The following IL12RB2 variants were observed in gnomAD, a reference collection of about 807,000 sequenced individuals.
IL12RB2 encodes the protein interleukin-12 receptor subunit beta-2.
In IL12RB2, 82 loss-of-function variants were observed where a neutral mutation model predicts 89.4. The ratio of observed to expected loss-of-function variants is 0.92; its 90% CI spans 0.77 to 1.10. The LOEUF is 1.10. IL12RB2 is among the 50% of genes least tolerant of loss of function. The probability of loss-of-function intolerance (pLI) is 0.00; values close to 1 mark genes in which losing one functional copy is unlikely to be tolerated. For missense variants in IL12RB2, 963 were observed against 1,031.9 expected (o/e 0.93, Z 0.92); for synonymous variants, 368 against 370.1 (o/e 0.99, Z 0.07).
chr1:67,317,730 A>G (rs1475915079), intron 2 of IL12RB2, among the ~76,000 whole-genome samples: 1 of 152,184 alleles, frequency 6.6e-6, no homozygotes, highest in Non-Finnish European at 1.5e-5. Flanking sequence ...TCTAAAGATC[A>G]TATTCCTTTC....
chr1:67,312,659 T>A (rs1344230447), intron 1 of IL12RB2, among the ~76,000 whole-genome samples: 19 of 40,056 alleles, frequency 4.7e-4, no homozygotes, highest in South Asian at 1.0e-3. Context: ...GAGAAAAGAA[T>A]AAAGGAAGTT....
rs1304002709 is a variant in IL12RB2 at position 67,326,809 on chromosome 1, A to G, written c.439A>G (p.Arg147Gly). 2 of 1,613,834 alleles carry G rather than the reference A, an allele frequency of 1.2e-6. No homozygotes were observed. Among genetic ancestry groups the G allele is most frequent in the East Asian group, 4.5e-5 (2 of 44,896 alleles). Residue 147 changes from arginine (R) to glycine (G), a missense_variant, in exon 5 of 17, where the codon AGA (arginine) becomes GGA (glycine). Arg to Gly is a moderately radical substitution (Grantham distance 125). Transcript: ENST00000674203. ...GGGGACTGTGGCCTGCACCTGGGAA[A>G]GAGGACGAGACACCCACTTATACAC... Reference protein sequence around the residue: ...EQGTVACTWERGRDTHLYTEY... With the variant: ...EQGTVACTWEGGRDTHLYTEY...
At chr1:67,338,858 G>A (rs891840692) in intron 9 of IL12RB2, 155 bp downstream of exon 9, 11 of 668,816 alleles carry the variant, frequency 1.6e-5, no homozygotes, top group Non-Finnish European at 3.1e-5. Flanking sequence ...TGCCTTTGGT[G>A]GATAGGGGTG....
At chr1:67,310,869 C>T (rs146242232) in intron 1 of IL12RB2, among the ~76,000 whole-genome samples, 11 of 152,100 alleles carry the variant, frequency 7.2e-5, no homozygotes, top group East Asian at 1.9e-4. Context: ...GGATTACAGG[C>T]GCACACCAGT....
intron 10 of IL12RB2, among the ~76,000 whole-genome samples, chr1:67,362,114 T>C (rs1209396889): frequency 6.6e-6 from 1 of 150,602 alleles, no homozygotes; most frequent in Non-Finnish European, 1.5e-5. Context: ...CTACTAAAAA[T>C]ACAAAAATTA....
At chr1:67,319,485 A>T (rs1197122056) in intron 2 of IL12RB2, among the ~76,000 whole-genome samples, 2 of 152,228 alleles carry the variant, frequency 1.3e-5, no homozygotes, top group Non-Finnish European at 2.9e-5. Context: ...TGCCAAAGAG[A>T]TCAATCTTTT....
At chr1:67,390,251 C>CTGA (rs1345587877) in intron 16 of IL12RB2, 123 bp downstream of exon 16, 3 of 684,762 alleles carry the variant, frequency 4.4e-6, no homozygotes, top group Non-Finnish European at 8.0e-6. Flanking sequence ...AAGTTATTCA[C>CTGA]GCTTGGCTAC....
chr1:67,317,953 T>TA (rs1484371868), intron 2 of IL12RB2, among the ~76,000 whole-genome samples: 3 of 151,638 alleles, frequency 2.0e-5, no homozygotes, highest in Non-Finnish European at 4.4e-5. Context: ...AGGTGATGAG[T>TA]AAAAAATCAA....
At chr1:67,368,175 A>G in intron 11 of IL12RB2, 150 bp downstream of exon 11, 2 of 686,966 alleles carry the variant, frequency 2.9e-6, no homozygotes, top group Admixed American at 4.1e-5. Context: ...GCAGCACTTT[A>G]GACTACTCCA....
At chr1:67,335,382 G>A (rs1016876781) in intron 8 of IL12RB2, among the ~76,000 whole-genome samples, 1 of 152,182 alleles carries the variant, frequency 6.6e-6, no homozygotes, top group Non-Finnish European at 1.5e-5. Context: ...TGCTGTGTTA[G>A]GGAATTGGTT....
intron 9 of IL12RB2, among the ~76,000 whole-genome samples, chr1:67,348,516 T>G (rs1177001982): frequency 6.6e-6 from 1 of 152,158 alleles, no homozygotes; most frequent in Non-Finnish European, 1.5e-5. Flanking sequence ...GTTTTCCCAC[T>G]TATAAAATGA....
chr1:67,393,802 T>C (rs1666079280), intron 16 of IL12RB2, among the ~76,000 whole-genome samples: 1 of 152,154 alleles, frequency 6.6e-6, no homozygotes, highest in African/African-American at 2.4e-5. Flanking sequence ...GAGAGGTTGG[T>C]TGGTTTTTCC....
chr1:67,354,338 G>T (rs569845062), intron 10 of IL12RB2, among the ~76,000 whole-genome samples: 1 of 152,192 alleles, frequency 6.6e-6, no homozygotes, highest in South Asian at 2.1e-4. Flanking sequence ...CCAGAGATAA[G>T]GAAGAAGTTG....
At chr1:67,330,019 T>C (rs1307227369) in intron 7 of IL12RB2, among the ~76,000 whole-genome samples, 1 of 152,202 alleles carries the variant, frequency 6.6e-6, no homozygotes, top group African/African-American at 2.4e-5. Context: ...CCTGTTATTA[T>C]TTTTTAGCAT....
At chr1:67,393,509 G>A (rs577174377) in intron 16 of IL12RB2, among the ~76,000 whole-genome samples, 3 of 152,318 alleles carry the variant, frequency 2.0e-5, no homozygotes, top group East Asian at 3.9e-4. Flanking sequence ...GCACTTTGGC[G>A]GCTCAGCTTC....
At chr1:67,380,498 T>C (rs770726065) in intron 14 of IL12RB2, among the ~76,000 whole-genome samples, 1 of 152,232 alleles carries the variant, frequency 6.6e-6, no homozygotes, top group Non-Finnish European at 1.5e-5. Context: ...ACTCGCTTAC[T>C]AAGTATCTGT....
At chr1:67,330,273 TAAAAAAA>T (rs66726768) in intron 7 of IL12RB2, among the ~76,000 whole-genome samples, 1 of 150,402 alleles carries the variant, frequency 6.6e-6, no homozygotes, top group Admixed American at 6.6e-5. Context: ...AGGGTTTTTT[TAAAAAAA>T]AAAAAAGCCA....
chr1:67,323,330 C>G (rs1656834872), intron 4 of IL12RB2, among the ~76,000 whole-genome samples: 1 of 152,210 alleles, frequency 6.6e-6, no homozygotes. Flanking sequence ...CATTGACAGC[C>G]TGCGGTATAG....
intron 14 of IL12RB2, among the ~76,000 whole-genome samples, chr1:67,381,745 G>A (rs1320621438): frequency 6.9e-6 from 1 of 144,038 alleles, no homozygotes; most frequent in Non-Finnish European, 1.5e-5. Flanking sequence ...CAGCCTGGGC[G>A]ACAGAGTGAG....
Sources: allele counts gnomAD v4.1 joint callset (sites outside exome capture counted in the v4.1 genomes callset), GRCh38; gene constraint gnomAD v4.1.1; transcripts MANE v1.5; gene names NCBI Gene and HGNC (gene_info 2026-07-23, HGNC 2026-07-21).